The following LINC00632 variants were observed in gnomAD, a reference collection of about 807,000 sequenced individuals.
LINC00632 encodes the protein ALDOA related specific transcript.
intron 3 of LINC00632, among the ~76,000 whole-genome samples, chrX:140,736,468 C>G (rs1244083675): frequency 1.2e-5 from 1 of 83,784 alleles, no homozygotes; most frequent in Non-Finnish European, 2.2e-5. Context: ...GACAGAGACT[C>G]GTTCTGTTGC....
chrX:140,743,282 T>C (rs1377969812), intron 3 of LINC00632, among the ~76,000 whole-genome samples: 1 of 97,810 alleles, frequency 1.0e-5, no homozygotes, highest in African/African-American at 4.0e-5. Context: ...TTATATCTGG[T>C]AAAATGTCAG....
chrX:140,790,807 A>G (rs757367233), exon 5 of LINC00632, among the ~76,000 whole-genome samples: 1 of 111,922 alleles, frequency 8.9e-6, no homozygotes, highest in Non-Finnish European at 1.9e-5. Flanking sequence ...ATTCATTATC[A>G]TTAGTGCATA....
Position 140,725,055 on chromosome X carries a change from TAC to T in LINC00632, n.105-8815_105-8814del, listed in dbSNP as rs766686316. On this transcript the variant is annotated intron_variant and non_coding_transcript_variant, in intron 2 of 4. Coordinates refer to ENST00000648200, the Ensembl canonical transcript of LINC00632. ...CATACACACACACAGAATCATTCCA[TAC>T]ACACACAGACACATTCCATACACAC... 8.4e-5 allele frequency among the ~76,000 whole-genome samples: 6 copies of T among 71,060 alleles called. No individual in the cohort carries two copies. In the South Asian group the frequency reaches 2.0e-3, roughly 23 times the overall value. The allele number at this position is 71,060 out of a possible 115,157, so 61.7% of individuals were successfully genotyped here.
exon 5 of LINC00632, among the ~76,000 whole-genome samples, chrX:140,778,720 A>T (rs1050073031): frequency 8.9e-6 from 1 of 111,816 alleles, no homozygotes; most frequent in Non-Finnish European, 1.9e-5. Context: ...AGAGAAATAA[A>T]AGGTTAAATT....
chrX:140,777,619 T>C (rs1268820667), exon 5 of LINC00632, among the ~76,000 whole-genome samples: 1 of 112,383 alleles, frequency 8.9e-6, no homozygotes, highest in Non-Finnish European at 1.9e-5. Context: ...ATAGCCATGG[T>C]TTTCAAACTG....
chrX:140,763,986 C>T (rs1451845353), intron 3 of LINC00632, among the ~76,000 whole-genome samples: 2 of 110,846 alleles, frequency 1.8e-5, no homozygotes, highest in Non-Finnish European at 3.8e-5. Context: ...TCCTTCAGGC[C>T]GTTTCACAAC....
chrX:140,741,244 G>A (rs1375565365), intron 3 of LINC00632, among the ~76,000 whole-genome samples: 1 of 112,226 alleles, frequency 8.9e-6, no homozygotes, highest in Non-Finnish European at 1.9e-5. Flanking sequence ...CTAGAGCTTG[G>A]AGCCTACGTG....
exon 5 of LINC00632, among the ~76,000 whole-genome samples, chrX:140,781,372 CTAATTTACT>C (rs1318991259): frequency 7.2e-5 from 8 of 111,363 alleles, no homozygotes; most frequent in African/African-American, 2.6e-4. Context: ...GGTTTCTTCT[CTAATTTACT>C]TAAGCTTCCA....
At chrX:140,727,110 G>T (rs964792540) in intron 2 of LINC00632, among the ~76,000 whole-genome samples, 2 of 110,434 alleles carry the variant, frequency 1.8e-5, no homozygotes, top group African/African-American at 6.6e-5. Context: ...CACCAGACCT[G>T]CACCCAAACA....
chrX:140,733,648 A>G (rs1010274262), intron 2 of LINC00632, among the ~76,000 whole-genome samples: 1 of 112,394 alleles, frequency 8.9e-6, no homozygotes, highest in Non-Finnish European at 1.9e-5. Context: ...GTCAAACTGC[A>G]TGATTATATC....
intron 2 of LINC00632, among the ~76,000 whole-genome samples, chrX:140,715,616 G>C (rs78760361): frequency 0.12 from 11,045 of 93,070 alleles, 796 homozygotes; most frequent in African/African-American, 0.27. Context: ...AAGAAAGAAA[G>C]AAACAAACAA....
intron 2 of LINC00632, among the ~76,000 whole-genome samples, chrX:140,724,792 CAT>C (rs1180571721): frequency 4.3e-5 from 1 of 23,405 alleles, no homozygotes; most frequent in Non-Finnish European, 8.2e-5. Context: ...ATACTCATTC[CAT>C]ACACACAGAG....
At chrX:140,723,647 TAC>T (rs200301368) in intron 2 of LINC00632, among the ~76,000 whole-genome samples, 485 of 5,949 alleles carry the variant, frequency 0.082, 4 homozygotes, top group African/African-American at 0.22. Flanking sequence ...ACACATTCCA[TAC>T]ACACACACAT....
chrX:140,752,026 C>A (rs1325040135), intron 3 of LINC00632, among the ~76,000 whole-genome samples: 1 of 111,471 alleles, frequency 9.0e-6, no homozygotes, highest in Admixed American at 9.6e-5. Context: ...GGACAGGACA[C>A]AGTAGTAGCT....
chrX:140,754,646 C>T (rs2148394358), intron 3 of LINC00632, among the ~76,000 whole-genome samples: 1 of 110,748 alleles, frequency 9.0e-6, no homozygotes, highest in East Asian at 2.8e-4. Context: ...AAATGGAGCT[C>T]AAGGAGTGTG....
intron 2 of LINC00632, among the ~76,000 whole-genome samples, chrX:140,733,229 C>G (rs1406427940): frequency 8.9e-6 from 1 of 112,775 alleles, no homozygotes; most frequent in Non-Finnish European, 1.9e-5. Context: ...CACAAACCCA[C>G]GTGCACATGC....
intron 2 of LINC00632, among the ~76,000 whole-genome samples, chrX:140,718,868 T>A (rs1265578659): frequency 8.9e-6 from 1 of 111,910 alleles, no homozygotes; most frequent in African/African-American, 3.3e-5. Flanking sequence ...TTTAAGCAAA[T>A]GCACTCTATC....
At chrX:140,709,883 T>C (rs1324464245) in intron 1 of LINC00632, 5 of 318,734 alleles carry the variant, frequency 1.6e-5, no homozygotes, top group South Asian at 5.9e-5. Context: ...TTTGAGGGAA[T>C]AGAATAATGC....
At chrX:140,728,304 C>T (rs1930999542) in intron 2 of LINC00632, among the ~76,000 whole-genome samples, 1 of 110,275 alleles carries the variant, frequency 9.1e-6, no homozygotes, top group Non-Finnish European at 1.9e-5. Context: ...ACTAACTCCA[C>T]AGTACTTAGA....
Sources: gnomAD v4.1 joint callset for allele counts (sites outside exome capture counted in the v4.1 genomes callset) on GRCh38, gnomAD v4.1.1 for gene constraint, MANE v1.5 for transcripts, NCBI Gene and HGNC (gene_info 2026-07-23, HGNC 2026-07-21) for gene names.